Variants in PDE3A observed in about 807,000 individuals in gnomAD.
PDE3A encodes phosphodiesterase 3A, also known as cGMP-inhibited 3',5'-cyclic phosphodiesterase 3A.
PDE3A carries 43 observed loss-of-function variants against 98.3 expected under a neutral mutation model. The observed-to-expected ratio is 0.44, with a 90% confidence interval of 0.34 to 0.56. PDE3A has a LOEUF of 0.56. PDE3A is among the 20% of genes least tolerant of loss of function. The pLI, the probability that PDE3A is intolerant of heterozygous loss-of-function variation, is 0.01. For missense variants in PDE3A, 1,427 were observed against 1,440.7 expected, an observed-to-expected ratio of 0.99 and a Z score of 0.15; for synonymous variants, 663 against 567.9, an observed-to-expected ratio of 1.17 and a Z score of -2.38.
At chr12:20,526,742 G>C (rs117713784) in intron 1 of PDE3A, among the ~76,000 whole-genome samples, 1 of 149,744 alleles carries the variant, frequency 6.7e-6, no homozygotes, top group Non-Finnish European at 1.5e-5. Flanking sequence ...TTTACTTGCT[G>C]AATCTCATTT....
intron 1 of PDE3A, among the ~76,000 whole-genome samples, chr12:20,485,946 T>C (rs1375505242): frequency 2.0e-5 from 3 of 152,178 alleles, no homozygotes; most frequent in African/African-American, 7.2e-5. Flanking sequence ...ACTAAGGACC[T>C]TACTTCACTA....
chr12:20,612,412 GTATAT>G (rs1943881914), intron 2 of PDE3A, among the ~76,000 whole-genome samples: 2 of 150,588 alleles, frequency 1.3e-5, no homozygotes, highest in South Asian at 2.1e-4. Flanking sequence ...TTTGCTTATG[GTATAT>G]TTTCTTATGT....
intron 2 of PDE3A, among the ~76,000 whole-genome samples, chr12:20,606,102 A>G (rs1943704101): frequency 6.6e-6 from 1 of 152,168 alleles, no homozygotes; most frequent in Admixed American, 6.5e-5. Context: ...CTCCTTAATC[A>G]TTTTAAAGAA....
At chr12:20,666,378 CTAA>C (rs1214985533) in intron 15 of PDE3A, among the ~76,000 whole-genome samples, 11 of 152,184 alleles carry the variant, frequency 7.2e-5, no homozygotes, top group Non-Finnish European at 1.5e-4. Context: ...CTTATTTATT[CTAA>C]CTAGTATGTT....
chr12:20,649,366 A>ATAGG (rs879299952), intron 13 of PDE3A, among the ~76,000 whole-genome samples: 1 of 152,196 alleles, frequency 6.6e-6, no homozygotes, highest in African/African-American at 2.4e-5. Context: ...AAGCAGACAT[A>ATAGG]TAGGTATTGA....
intron 1 of PDE3A, among the ~76,000 whole-genome samples, chr12:20,431,041 C>T (rs988302266): frequency 5.3e-5 from 8 of 152,058 alleles, no homozygotes; most frequent in African/African-American, 1.9e-4. Context: ...ATTCTATCCA[C>T]CTAGTTCTGA....
chr12:20,629,528 AC>A (rs915697563), intron 5 of PDE3A, among the ~76,000 whole-genome samples: 3 of 152,198 alleles, frequency 2.0e-5, no homozygotes, highest in Non-Finnish European at 4.4e-5. Flanking sequence ...TCCTGCTAAA[AC>A]CTTCACAACC....
At chr12:20,455,568 A>G (rs1460648410) in intron 1 of PDE3A, among the ~76,000 whole-genome samples, 2 of 152,202 alleles carry the variant, frequency 1.3e-5, no homozygotes, top group Admixed American at 6.5e-5. Flanking sequence ...AATTAAGATG[A>G]AAGAATGTGA....
chr12:20,519,390 T>C (rs1368972686), intron 1 of PDE3A, among the ~76,000 whole-genome samples: 1 of 152,166 alleles, frequency 6.6e-6, no homozygotes, highest in East Asian at 1.9e-4. Context: ...ATGCTTGGTA[T>C]GGAATTGATT....
intron 15 of PDE3A, among the ~76,000 whole-genome samples, chr12:20,664,469 C>A (rs182750877): frequency 1.3e-5 from 2 of 152,038 alleles, no homozygotes; most frequent in African/African-American, 2.4e-5. Context: ...GTTCAGAATA[C>A]CTCTATTCAT....
At chr12:20,414,313 G>A (rs1944384093) in intron 1 of PDE3A, among the ~76,000 whole-genome samples, 1 of 152,090 alleles carries the variant, frequency 6.6e-6, no homozygotes, top group Non-Finnish European at 1.5e-5. Flanking sequence ...GAGTAGAGGT[G>A]AATTTAGGGC....
At chr12:20,405,361 T>C (rs1294691780) in intron 1 of PDE3A, among the ~76,000 whole-genome samples, 1 of 152,174 alleles carries the variant, frequency 6.6e-6, no homozygotes, top group African/African-American at 2.4e-5. Flanking sequence ...TTCCAGTCCT[T>C]GGGATGACCT....
At chr12:20,481,868 C>T (rs901962353) in intron 1 of PDE3A, among the ~76,000 whole-genome samples, 2 of 141,144 alleles carry the variant, frequency 1.4e-5, no homozygotes, top group South Asian at 2.3e-4. Flanking sequence ...GTGTTCACGC[C>T]GCTTTCCTGC....
intron 1 of PDE3A, among the ~76,000 whole-genome samples, chr12:20,392,502 G>C (rs1943935469): frequency 7.0e-6 from 1 of 143,742 alleles, no homozygotes; most frequent in African/African-American, 2.5e-5. Flanking sequence ...GTGAGATCCT[G>C]TCTCATAAAT....
At chr12:20,502,462 T>C (rs539544274) in intron 1 of PDE3A, among the ~76,000 whole-genome samples, 1 of 152,298 alleles carries the variant, frequency 6.6e-6, no homozygotes, top group African/African-American at 2.4e-5. Flanking sequence ...ATAATTCAAA[T>C]GTTCCTTGCC....
intron 1 of PDE3A, among the ~76,000 whole-genome samples, chr12:20,525,667 CGTT>C: frequency 2.0e-5 from 3 of 152,232 alleles, no homozygotes. Flanking sequence ...TGCTGTGTAA[CGTT>C]GCTGCTGACT....
chr12:20,491,268 T>C (rs1013654858), intron 1 of PDE3A, among the ~76,000 whole-genome samples: 3 of 152,076 alleles, frequency 2.0e-5, no homozygotes, highest in African/African-American at 7.2e-5. Flanking sequence ...ATTGAGAAGC[T>C]CAAGAGAGCT....
chr12:20,541,967 A>T (rs1182838198), intron 1 of PDE3A, among the ~76,000 whole-genome samples: 2 of 152,118 alleles, frequency 1.3e-5, no homozygotes, highest in Non-Finnish European at 2.9e-5. Flanking sequence ...AGTGGAACTA[A>T]AGTAATTTTT....
chr12:20,611,482 T>C (rs1281573627), intron 2 of PDE3A, among the ~76,000 whole-genome samples: 1 of 151,942 alleles, frequency 6.6e-6, no homozygotes, highest in Non-Finnish European at 1.5e-5. Flanking sequence ...GCTATTTTTC[T>C]TTGCAGCCTG....
Sources: allele counts gnomAD v4.1 joint callset (sites outside exome capture counted in the v4.1 genomes callset), GRCh38; gene constraint gnomAD v4.1.1; transcripts MANE v1.5; gene names NCBI Gene and HGNC (gene_info 2026-07-23, HGNC 2026-07-21).